MAPK10: variants seen among roughly 807,000 people sequenced by gnomAD.
The protein encoded by MAPK10 is JNK3 alpha protein kinase.
In MAPK10, 25 loss-of-function variants were observed where a neutral mutation model predicts 59.3. The ratio of observed to expected loss-of-function variants is 0.42; its 90% confidence interval spans 0.31 to 0.59. The LOEUF (loss-of-function observed/expected upper bound fraction) is 0.59, where lower values mean the gene tolerates loss of function less well. Among genes scored for constraint, MAPK10 ranks in the 20% least tolerant of loss-of-function variants. MAPK10 has a pLI of 0.15. For missense variants in MAPK10, 351 were observed against 568.9 expected (o/e 0.62, Z 3.90); for synonymous variants, 190 against 200.5 (o/e 0.95, Z 0.44).
chr4:86,477,621 T>A (rs1052177248), intron 1 of MAPK10, among the ~76,000 whole-genome samples: 3 of 152,192 alleles, frequency 2.0e-5, no homozygotes, highest in Non-Finnish European at 2.9e-5. Context: ...CTGTTATCAC[T>A]TGCCTGTTAC....
chr4:86,052,563 G>A (rs149096422), intron 11 of MAPK10, among the ~76,000 whole-genome samples: 14 of 152,292 alleles, frequency 9.2e-5, no homozygotes, highest in African/African-American at 3.1e-4. Flanking sequence ...GTGCTGGGTA[G>A]TGAGCTCCTA....
chr4:86,492,759 A>G (rs951999207), intron 1 of MAPK10, among the ~76,000 whole-genome samples: 4 of 152,210 alleles, frequency 2.6e-5, no homozygotes, highest in Admixed American at 1.3e-4. Context: ...GATTTTTAAA[A>G]AATTTGGACT....
chr4:86,064,180 A>G lies in MAPK10; in HGVS notation c.1110+86T>C, dbSNP rs993761138. The stretch of plus-strand genomic sequence containing the variant: ...GAAATTTTATAAAAATCCATTGTGC[A>G]TTCTTTAGGCTTCTAGTCCTATTCA... On this transcript the variant is annotated intron_variant, in intron 11 of 13. Transcript: ENST00000641462. The G allele has an allele frequency of 8.0e-6, 12 of 1,499,474 alleles. No homozygotes were observed. The African/African-American group carries it at 1.1e-4, about 14-fold the overall frequency. The allele number at this position is 1,499,474 out of a possible 1,614,324, so 92.9% of individuals were successfully genotyped here. A position where few individuals can be genotyped will look rare whatever the true frequency, so the allele number is the denominator to read the frequency against.
At chr4:86,526,946 T>C (rs531890231) in intron 1 of MAPK10, among the ~76,000 whole-genome samples, 1 of 152,262 alleles carries the variant, frequency 6.6e-6, no homozygotes, top group South Asian at 2.1e-4. Flanking sequence ...TTCAACTTTT[T>C]TGAATTTATT....
At chr4:86,152,366 CTGA>C (rs1282752639) in intron 4 of MAPK10, 1 of 152,094 alleles carries the variant, frequency 6.6e-6, no homozygotes, top group Non-Finnish European at 1.5e-5. Context: ...AGTACCTTCC[CTGA>C]TGATAATTTA....
chr4:86,510,955 C>G (rs1167510244), intron 1 of MAPK10, among the ~76,000 whole-genome samples: 1 of 151,992 alleles, frequency 6.6e-6, no homozygotes, highest in African/African-American at 2.4e-5. Flanking sequence ...GGAATAAGTT[C>G]TAGTATTCAG....
chr4:86,241,313 C>A (rs762668937), intron 2 of MAPK10, among the ~76,000 whole-genome samples: 8 of 151,950 alleles, frequency 5.3e-5, no homozygotes, highest in Non-Finnish European at 1.2e-4. Context: ...GATTATGTGT[C>A]TTGGGGTTGA....
rs1257851044 is a variant in MAPK10 at position 86,224,420 on chromosome 4, T to C, written c.-6-30013A>G. Among the ~76,000 whole-genome samples the C allele has an allele frequency of 4.0e-5, 6 of 151,838 alleles. No individual in the cohort carries two copies. The East Asian group carries it at 9.7e-4, about 24-fold the overall frequency. ...TATTAACTGAAAGCTTAAGAATGAG[T>C]AGAAGTGCACTAGGTAAAAAAGGAA... On this transcript the variant is annotated intron_variant, in intron 2 of 13. Transcript: ENST00000641462.
chr4:86,408,394 A>G (rs954140758), intron 1 of MAPK10, among the ~76,000 whole-genome samples: 1 of 152,218 alleles, frequency 6.6e-6, no homozygotes, highest in Non-Finnish European at 1.5e-5. Context: ...AGCATGATTA[A>G]AAATCCTTTG....
At chr4:86,423,141 C>T (rs1746754376) in intron 1 of MAPK10, among the ~76,000 whole-genome samples, 1 of 152,028 alleles carries the variant, frequency 6.6e-6, no homozygotes, top group Non-Finnish European at 1.5e-5. Flanking sequence ...TAGGGTACAA[C>T]ATATATTACC....
At chr4:86,555,918 C>T (rs1280774942) in intron 1 of MAPK10, among the ~76,000 whole-genome samples, 1 of 152,126 alleles carries the variant, frequency 6.6e-6, no homozygotes, top group Admixed American at 6.6e-5. Context: ...CACACCATTC[C>T]TTATAATATC....
At chr4:86,111,762 C>T (rs60313477) in intron 4 of MAPK10, among the ~76,000 whole-genome samples, 7,491 of 152,134 alleles carry the variant, frequency 0.049, 618 homozygotes, top group African/African-American at 0.17. Context: ...TAGGAAGAGT[C>T]CCTCCTTTTC....
intron 2 of MAPK10, among the ~76,000 whole-genome samples, chr4:86,250,390 T>C (rs1361411314): frequency 6.6e-6 from 1 of 152,192 alleles, no homozygotes; most frequent in Non-Finnish European, 1.5e-5. Context: ...CTCTATTCTA[T>C]TTTAAACAAC....
intron 1 of MAPK10, among the ~76,000 whole-genome samples, chr4:86,581,675 ATTGTGT>A (rs1565074747): frequency 8.5e-6 from 1 of 118,254 alleles, no homozygotes; most frequent in African/African-American, 3.2e-5. Context: ...TTTTTCAGTT[ATTGTGT>A]GTGTGTGTGT....
chr4:86,224,892 A>C (rs2090339844), intron 2 of MAPK10, among the ~76,000 whole-genome samples: 1 of 152,192 alleles, frequency 6.6e-6, no homozygotes, highest in Non-Finnish European at 1.5e-5. Context: ...TCTTAAATAC[A>C]ATTCTCTATT....
chr4:86,279,693 T>A (rs1027993530), intron 2 of MAPK10, among the ~76,000 whole-genome samples: 2 of 152,046 alleles, frequency 1.3e-5, no homozygotes, highest in South Asian at 4.1e-4. Flanking sequence ...TAGGGGGGGC[T>A]CAACTAACCA....
chr4:86,105,223 CT>C (rs1370667538), intron 5 of MAPK10, among the ~76,000 whole-genome samples: 2 of 152,116 alleles, frequency 1.3e-5, no homozygotes, highest in African/African-American at 4.8e-5. Context: ...TCTTGCTTTG[CT>C]TTCCACAGTA....
chr4:86,464,649 G>A (rs190107420), intron 1 of MAPK10, among the ~76,000 whole-genome samples: 12 of 152,076 alleles, frequency 7.9e-5, no homozygotes, highest in East Asian at 5.8e-4. Context: ...GCGAAACCCC[G>A]TCTCTACTAA....
chr4:86,545,681 T>C (rs1759094721), intron 1 of MAPK10, among the ~76,000 whole-genome samples: 1 of 152,106 alleles, frequency 6.6e-6, no homozygotes, highest in Non-Finnish European at 1.5e-5. Context: ...AAGATCTTAA[T>C]GGACAGGAAG....
Sources: gnomAD v4.1 joint callset for allele counts (sites outside exome capture counted in the v4.1 genomes callset) on GRCh38, gnomAD v4.1.1 for gene constraint, MANE v1.5 for transcripts, NCBI Gene and HGNC (gene_info 2026-07-23, HGNC 2026-07-21) for gene names.